FGD4: variants seen among roughly 807,000 people sequenced by gnomAD.
FGD4 encodes FYVE, RhoGEF and PH domain-containing protein 4.
FGD4 carries 42 observed loss-of-function variants against 102.0 expected under a neutral mutation model. The ratio of observed to expected loss-of-function variants is 0.41; its 90% CI spans 0.32 to 0.53. The LOEUF is 0.53. Among genes scored for constraint, FGD4 ranks in the 20% least tolerant of loss-of-function variants. FGD4 has a pLI of 0.21. For missense variants in FGD4, 902 were observed against 1,078.2 expected, an observed-to-expected ratio of 0.84 and a Z score of 2.29; for synonymous variants, 380 against 375.7, an observed-to-expected ratio of 1.01 and a Z score of -0.13.
At chr12:32,511,812 A>AT (rs1232645544) in intron 1 of FGD4, 4 of 151,982 alleles carry the variant, frequency 2.6e-5, no homozygotes, top group Non-Finnish European at 5.9e-5. Flanking sequence ...TTAAAGGTAT[A>AT]TTTTTTCTGT....
chr12:32,504,935 A>G (rs1020972268), intron 1 of FGD4, among the ~76,000 whole-genome samples: 7 of 152,198 alleles, frequency 4.6e-5, no homozygotes, highest in African/African-American at 1.7e-4. Context: ...TTAGTTTTTC[A>G]TACTATGTTT....
At chr12:32,578,196 G>A (rs1344144401) in intron 3 of FGD4, among the ~76,000 whole-genome samples, 2 of 151,994 alleles carry the variant, frequency 1.3e-5, no homozygotes, top group African/African-American at 2.4e-5. Flanking sequence ...TGTTTTGGCA[G>A]GTCTGGTGAA....
At chr12:32,501,985 GC>G in intron 1 of FGD4, 1 of 972,400 alleles carries the variant, frequency 1.0e-6, no homozygotes, top group Non-Finnish European at 1.2e-6. Flanking sequence ...CACCTGCTAG[GC>G]AAGCCCTGCG....
At chr12:32,405,403 G>T (rs1940893001) in intron 1 of FGD4, among the ~76,000 whole-genome samples, 2 of 151,746 alleles carry the variant, frequency 1.3e-5, no homozygotes, top group South Asian at 4.2e-4. Flanking sequence ...GGGATTACAG[G>T]CAAGCGTCAA....
chr12:32,535,462 G>T (rs1185494583), intron 1 of FGD4, among the ~76,000 whole-genome samples: 1 of 152,064 alleles, frequency 6.6e-6, no homozygotes, highest in African/African-American at 2.4e-5. Flanking sequence ...AGCTGGCTCC[G>T]TTCCCAGGTT....
At chr12:32,539,581 A>G (rs1459705156) in intron 1 of FGD4, among the ~76,000 whole-genome samples, 1 of 152,182 alleles carries the variant, frequency 6.6e-6, no homozygotes, top group Non-Finnish European at 1.5e-5. Flanking sequence ...GGGGGGAAAA[A>G]AAAAAAAGCC....
chr12:32,491,899 T>C (rs1005015540), intron 1 of FGD4, among the ~76,000 whole-genome samples: 4 of 152,228 alleles, frequency 2.6e-5, no homozygotes, highest in Admixed American at 2.6e-4. Flanking sequence ...TTATAGTTCC[T>C]TCAAATACTG....
intron 1 of FGD4, among the ~76,000 whole-genome samples, chr12:32,561,317 C>T (rs979579191): frequency 3.3e-5 from 5 of 151,974 alleles, no homozygotes; most frequent in Non-Finnish European, 7.4e-5. Flanking sequence ...GAACTCCTGA[C>T]CTCAGGTGAT....
At chr12:32,459,250 T>C (rs1243110124) in intron 1 of FGD4, among the ~76,000 whole-genome samples, 1 of 141,920 alleles carries the variant, frequency 7.0e-6, no homozygotes, top group Non-Finnish European at 1.5e-5. Context: ...CTGGAATCCA[T>C]CGATACACTC....
intron 3 of FGD4, among the ~76,000 whole-genome samples, chr12:32,578,724 G>A (rs1161637342): frequency 2.0e-5 from 3 of 151,832 alleles, no homozygotes; most frequent in Non-Finnish European, 4.4e-5. Flanking sequence ...CAGCTACTTG[G>A]GAGGCTGATG....
At position 32,418,600 on chromosome 12, in the gene FGD4, G is replaced by A. The variant is rs549882869; in HGVS notation, c.166+18641G>A. On this transcript the variant is annotated intron_variant, in intron 1 of 16. Transcript: ENST00000534526. ...TCTGTGCTAAACCACCTGGACCTTG[G>A]GGGGTGGGGTGTCACCAGCACACCG... is the stretch of plus-strand genomic sequence containing the variant. Among the ~76,000 whole-genome samples the A allele has an allele frequency of 2.6e-5, 4 of 152,232 alleles. No homozygotes were observed. In the South Asian group the frequency reaches 8.3e-4, roughly 32 times the overall value.
intron 2 of FGD4, among the ~76,000 whole-genome samples, chr12:32,567,050 T>G (rs1945246393): frequency 6.6e-6 from 1 of 152,198 alleles, no homozygotes; most frequent in African/African-American, 2.4e-5. Context: ...CACCAGACAC[T>G]GTGGCTGATA....
chr12:32,442,041 GTGTTTTTTTTTTTTTT>G lies in FGD4; in HGVS notation c.166+42085_166+42100del, dbSNP rs1420918102. ...GTGCTGGCAATTCAGGAGTGTTGTT[GTGTTTTTTTTTTTTTT>G]TGGTTTTTTTTTTGGAGACGGAGTC... On this transcript the variant is annotated intron_variant, in intron 1 of 16. Transcript: ENST00000534526. Among the ~76,000 whole-genome samples the G allele has an allele frequency of 4.8e-3, 618 of 128,798 alleles. 3 individuals carry two copies. The highest frequency in any genetic ancestry group is 7.6e-3 in the Non-Finnish European group (481 of 62,900). The allele number at this position is 128,798 out of a possible 152,430, so 84.5% of individuals were successfully genotyped here.
chr12:32,640,166 G>GT, intron 16 of FGD4, 110 bp from the exon 17 acceptor site: 1 of 1,554,822 alleles, frequency 6.4e-7, no homozygotes, highest in Non-Finnish European at 8.8e-7. Flanking sequence ...AGAACTCACC[G>GT]TTTAAGTCTG....
intron 14 of FGD4, among the ~76,000 whole-genome samples, chr12:32,626,074 A>C (rs1565923215): frequency 6.6e-6 from 1 of 152,246 alleles, no homozygotes; most frequent in Non-Finnish European, 1.5e-5. Context: ...TATTAGTAAC[A>C]GAGGAAGATT....
At chr12:32,429,978 AAAG>A (rs1304032920) in intron 1 of FGD4, among the ~76,000 whole-genome samples, 62 of 152,234 alleles carry the variant, frequency 4.1e-4, no homozygotes, top group Middle Eastern at 6.8e-3. Context: ...CAAAAAAAAA[AAAG>A]GACATTTTCA....
chr12:32,513,877 T>G (rs999696858), intron 1 of FGD4, among the ~76,000 whole-genome samples: 4 of 152,240 alleles, frequency 2.6e-5, no homozygotes, highest in Non-Finnish European at 5.9e-5. Context: ...CTGGTTTAAA[T>G]GTATGTATGA....
chr12:32,417,240 A>G (rs969085263), intron 1 of FGD4, among the ~76,000 whole-genome samples: 2 of 152,104 alleles, frequency 1.3e-5, no homozygotes, highest in Non-Finnish European at 2.9e-5. Context: ...CATTTTTTGT[A>G]GGACAGGTCT....
At chr12:32,596,370 A>C (rs533052223) in intron 4 of FGD4, among the ~76,000 whole-genome samples, 1 of 152,214 alleles carries the variant, frequency 6.6e-6, no homozygotes, top group South Asian at 2.1e-4. Context: ...AAAGGTTTAG[A>C]GATAACCAGG....
Sources: gnomAD v4.1 joint callset for allele counts (sites outside exome capture counted in the v4.1 genomes callset) on GRCh38, gnomAD v4.1.1 for gene constraint, MANE v1.5 for transcripts, NCBI Gene and HGNC (gene_info 2026-07-23, HGNC 2026-07-21) for gene names.